MUC21: variants seen among roughly 807,000 people sequenced by gnomAD.
MUC21 encodes mucin-21.
In MUC21, 8 loss-of-function variants were observed where a neutral mutation model predicts 9.1. That is an observed-to-expected ratio of 0.88 (90% CI 0.52 to 1.59). MUC21 has a LOEUF of 1.59. Among genes scored for constraint, MUC21 ranks in the 40% most tolerant of loss-of-function variants. The pLI is 0.00. For missense variants in MUC21, 478 were observed against 694.2 expected (o/e 0.69, Z 3.50); for synonymous variants, 189 against 275.2 (o/e 0.69, Z 3.10).
Position 30,987,667 on chromosome 6 carries a change from CTCT to C in MUC21, c.1499_1501del (p.Phe500del), listed in dbSNP as rs369291300. 69 of 1,613,560 alleles carry C rather than the reference CTCT, an allele frequency of 4.3e-5. No homozygotes were observed. The East Asian group carries it at 1.2e-3, about 29-fold the overall frequency. ...GGCGGCCGTGGGGCTCTTTGCTGGG[CTCT>C]TCTTCTGTGTGGTGAGTGCCTAATA... On this transcript the variant is annotated inframe_deletion, in exon 2 of 3. Coordinates refer to ENST00000376296, the MANE Select transcript of MUC21 (RefSeq NM_001010909.5).
At chr6:30,987,940 G>A (rs45565239) in intron 2 of MUC21, 60 bp from the exon 3 acceptor site, 11,922 of 980,748 alleles carry the variant, frequency 0.012, 178 homozygotes, top group Middle Eastern at 0.085. Flanking sequence ...GAAGGCGTAC[G>A]TGGTAAAGGC....
chr6:30,987,588 T>C lies in MUC21; in HGVS notation c.1413T>C (p.Pro471=). 1 of 1,614,226 alleles carries C rather than the reference T, an allele frequency of 6.2e-7. No homozygotes were observed. The highest frequency in any genetic ancestry group is 8.5e-7 in the Non-Finnish European group (1 of 1,180,032). The change falls in exon 2 of 3, where the codon CCT becomes CCC. Residue 471 remains proline, a synonymous_variant. Transcript: ENST00000376296. ...SASTAVSEAK[P]GGSLVPWEIF... ...CTACTGCAGTGAGTGAGGCGAAGCC[T>C]GGTGGGTCCCTGGTGCCGTGGGAAA...
intron 1 of MUC21, among the ~76,000 whole-genome samples, chr6:30,984,435 G>T (rs1373946085): frequency 2.0e-5 from 3 of 152,124 alleles, no homozygotes; most frequent in African/African-American, 7.2e-5. Context: ...CTTTGGGAGG[G>T]TGAGGCAGGC....
chr6:30,987,742 G>A (rs1762447301), intron 2 of MUC21, 61 bp downstream of exon 2: 1 of 1,579,304 alleles, frequency 6.3e-7, no homozygotes. Context: ...ACAAGGAAAT[G>A]GGTGTGAATA....
Position 30,986,941 on chromosome 6 carries a change from A to C in MUC21, c.766A>C (p.Thr256Pro), listed in dbSNP as rs778258131. The C allele has an allele frequency of 4.5e-6, 7 of 1,562,344 alleles. No individual in the cohort carries two copies. The African/African-American group carries it at 9.8e-5, about 22-fold the overall frequency. Reference protein sequence around the residue: ...STPSSGAGTATNSESSTTSSG... With the variant: ...STPSSGAGTAPNSESSTTSSG... ...ACCCTCCAGTGGGGCCGGCACAGCC[A>C]CCAACTCTGAGTCCAGCACGACCTC... Residue 256 changes from threonine to proline, a missense_variant, in exon 2 of 3, where the codon ACC becomes CCC. Physicochemically the swap from Thr to Pro is conservative, Grantham distance 38. This residue lies in a region of MUC21 where 155 missense variants were observed against 235.2 expected (regional missense o/e 0.66). Transcript: ENST00000376296.
At chr6:30,985,111 G>A (rs528989912) in intron 1 of MUC21, among the ~76,000 whole-genome samples, 10 of 151,982 alleles carry the variant, frequency 6.6e-5, no homozygotes, top group Middle Eastern at 3.4e-3. Flanking sequence ...AGCTTCCCAC[G>A]TACAGGCTGG....
intron 2 of MUC21, 68 bp from the exon 3 acceptor site, chr6:30,987,932 A>G: frequency 2.0e-6 from 2 of 985,240 alleles, no homozygotes; most frequent in Non-Finnish European, 3.3e-6. Flanking sequence ...AGATTCCAGA[A>G]GGCGTACGTG....
At chr6:30,984,527 G>A (rs964294529) in intron 1 of MUC21, among the ~76,000 whole-genome samples, 11 of 152,192 alleles carry the variant, frequency 7.2e-5, no homozygotes, top group Admixed American at 6.5e-4. Context: ...AAAATTAGCT[G>A]AGTGTGTTGG....
At position 30,986,493 on chromosome 6, in the gene MUC21, C is replaced by A. The variant is rs753932532; in HGVS notation, c.318C>A (p.Thr106=). ...TGTCCAGTGGGATCAGCATAGCCAC[C>A]AACTCTGAGTCCAGCACAACCTCCA... ...STVSSGISIA[T]NSESSTTSSG... The change falls in exon 2 of 3, where the codon ACC becomes ACA. Residue 106 remains threonine, a synonymous_variant. Coordinates refer to ENST00000376296, the MANE Select transcript of MUC21 (RefSeq NM_001010909.5). 1 of 1,581,008 alleles carries A rather than the reference C, an allele frequency of 6.3e-7. No individual in the cohort carries two copies. Among genetic ancestry groups the A allele is most frequent in the African/African-American group, 1.4e-5 (1 of 73,382 alleles).
chr6:30,988,008 C>A lies in MUC21; in HGVS notation c.1515C>A (p.Ser505Arg). 1.7e-6 allele frequency: 2 copies of A among 1,178,874 alleles called. No homozygotes were observed. Among genetic ancestry groups the A allele is most frequent in the Non-Finnish European group, 1.3e-6 (1 of 783,702 alleles). The allele number at this position is 1,178,874 out of a possible 1,614,324, so 73.0% of individuals were successfully genotyped here. ...GACTCTTCTTTTTTTAGAGAAACAGCCTGTCCCTGAGAAACACCTTTAACA... is the reference window on the plus strand; with the variant it reads ...GACTCTTCTTTTTTTAGAGAAACAGACTGTCCCTGAGAAACACCTTTAACA... The part of the protein sequence containing the change: ...FAGLFFCVRN[S>R]LSLRNTFNTA... The change falls in exon 3 of 3, where the codon AGC (serine) becomes AGA (arginine). Residue 505 changes from serine (S) to arginine (R), a missense_variant. Physicochemically the swap from Ser to Arg is moderately radical, Grantham distance 110. Coordinates refer to ENST00000376296, the MANE Select transcript of MUC21 (RefSeq NM_001010909.5).
At position 30,987,483 on chromosome 6, in the gene MUC21, C is replaced by G. The variant is rs1463716561; in HGVS notation, c.1308C>G (p.Thr436=). 1 of 1,614,116 alleles carries G rather than the reference C, an allele frequency of 6.2e-7. No homozygotes were observed. The highest frequency in any genetic ancestry group is 8.5e-7 in the Non-Finnish European group (1 of 1,180,038). Residue 436 remains threonine, a synonymous_variant, in exon 2 of 3, where the codon ACC becomes ACG. Coordinates refer to ENST00000376296, the MANE Select transcript of MUC21 (RefSeq NM_001010909.5). ...STTSSGANTA[T]NSGSSVTSAG... is the part of the protein sequence containing the mutation. ...CCTCCAGTGGGGCCAACACAGCCAC[C>G]AACTCTGGGTCCAGTGTGACCTCTG...
chr6:30,985,899 G>A (rs1762225010), intron 1 of MUC21, among the ~76,000 whole-genome samples: 2 of 152,152 alleles, frequency 1.3e-5, no homozygotes. Flanking sequence ...TCCTGCCTCA[G>A]CCTCCCGAGT....
At position 30,986,250 on chromosome 6, in the gene MUC21, T is replaced by C; in HGVS notation, c.75T>C (p.Asn25=). ...TGATTTCTTCAGCAACAAATTCCAA[T>C]GAGACTAGCACCTCTGCCAACACTG... is the stretch of plus-strand genomic sequence containing the variant. ...LLHLEAATNS[N]ETSTSANTGS... Residue 25 remains asparagine (N), a synonymous_variant, in exon 2 of 3, where the codon AAT becomes AAC. Transcript: ENST00000376296. 6.2e-7 allele frequency: 1 copy of C among 1,607,990 alleles called. No individual in the cohort carries two copies. Among genetic ancestry groups the C allele is most frequent in the Non-Finnish European group, 8.5e-7 (1 of 1,175,652 alleles).
In MUC21 at chr6:30,984,069, G is replaced by A. The variant is rs761511369; in HGVS notation, c.61+50G>A. 6 of 776,216 alleles carry A rather than the reference G, an allele frequency of 7.7e-6. No individual in the cohort carries two copies. The African/African-American group carries it at 1.0e-4, about 13-fold the overall frequency. 48.1% of individuals were successfully genotyped at this position (776,216 alleles called of 1,614,324 possible). A position where few individuals can be genotyped will look rare whatever the true frequency, so the allele number is the denominator to read the frequency against. On this transcript the variant is annotated intron_variant, in intron 1 of 2. Transcript: ENST00000376296. ...GTGGTCTGAGAACCTTTGAGGAGTTGGGAGAGAAATGTGACCACTACTGGG... is the reference window on the plus strand; with the variant it reads ...GTGGTCTGAGAACCTTTGAGGAGTTAGGAGAGAAATGTGACCACTACTGGG...
chr6:30,985,688 C>T (rs1333346291), intron 1 of MUC21, among the ~76,000 whole-genome samples: 1 of 152,198 alleles, frequency 6.6e-6, no homozygotes, highest in African/African-American at 2.4e-5. Context: ...GTTGACTTAG[C>T]TTAGTCTCCA....
rs532413302 is a variant in MUC21, at chr6:30,986,526, C to T, written c.351C>T (p.Ala117=). The change falls in exon 2 of 3, where the codon GCC becomes GCT. Residue 117 remains alanine (A), a synonymous_variant. Transcript: ENST00000376296. ...NSESSTTSSG[A]STATNSESST... Reference sequence around the variant, plus strand: ...AGTCCAGCACAACCTCCAGTGGGGCCAGCACAGCCACCAACTCTGAGTCCA... The same window carrying T: ...AGTCCAGCACAACCTCCAGTGGGGCTAGCACAGCCACCAACTCTGAGTCCA... The T allele has an allele frequency of 1.7e-4, 266 of 1,586,744 alleles. 3 individuals are homozygous for T. The African/African-American group carries it at 3.3e-3, about 20-fold the overall frequency.
intron 1 of MUC21, among the ~76,000 whole-genome samples, chr6:30,984,596 G>A (rs1762170560): frequency 6.6e-6 from 1 of 152,100 alleles, no homozygotes; most frequent in Non-Finnish European, 1.5e-5. Context: ...CTTGAACCCG[G>A]GAGGCGGAGG....
intron 1 of MUC21, among the ~76,000 whole-genome samples, chr6:30,985,222 C>T (rs111247498): frequency 0.024 from 3,622 of 152,134 alleles, 144 homozygotes; most frequent in African/African-American, 0.082. Flanking sequence ...CTTCCCTCTA[C>T]CTTTAGACGT....
rs749500604 is a variant in MUC21, at chr6:30,986,355, C to T, written c.180C>T (p.Ala60=). The T allele has an allele frequency of 6.2e-7, 1 of 1,611,980 alleles. No individual in the cohort carries two copies. The highest frequency in any genetic ancestry group is 1.7e-5 in the Admixed American group (1 of 59,662). Residue 60 remains alanine (A), a synonymous_variant, in exon 2 of 3, where the codon GCC becomes GCT. Transcript: ENST00000376296. ...TGACCTCCAGTGGGGTCAGCACAGC[C>T]ACCATCTCAGGGTCCAGCGTGACCT... The part of the protein sequence containing the change: ...SSVTSSGVST[A]TISGSSVTSN...
Sources: allele counts gnomAD v4.1 joint callset (sites outside exome capture counted in the v4.1 genomes callset), GRCh38; gene constraint gnomAD v4.1.1; regional missense constraint gnomAD v4.1.1; transcripts MANE v1.5; gene names NCBI Gene and HGNC (gene_info 2026-07-23, HGNC 2026-07-21).